The following RIMS1 variants were observed in gnomAD, a reference collection of about 807,000 sequenced individuals.
RIMS1 encodes the protein regulating synaptic membrane exocytosis 1.
RIMS1 carries 83 observed loss-of-function variants against 214.1 expected under a neutral mutation model. The observed-to-expected ratio is 0.39, with a 90% CI of 0.32 to 0.47. RIMS1 has a LOEUF of 0.47. Ranked by LOEUF, RIMS1 falls within the 20% of genes least tolerant of loss-of-function variation. The pLI is 0.99. For missense variants in RIMS1, 2,050 were observed against 2,161.8 expected (o/e 0.95, Z 1.03); for synonymous variants, 793 against 786.8 (o/e 1.01, Z -0.13).
chr6:72,316,280 G>A (rs2095792548), intron 28 of RIMS1, among the ~76,000 whole-genome samples: 1 of 152,136 alleles, frequency 6.6e-6, no homozygotes, highest in Middle Eastern at 3.2e-3. Flanking sequence ...CACAGGAGGG[G>A]AGGTGATACC....
At chr6:72,322,610 A>C (rs1052763398) in intron 28 of RIMS1, among the ~76,000 whole-genome samples, 3 of 152,112 alleles carry the variant, frequency 2.0e-5, no homozygotes, top group Non-Finnish European at 4.4e-5. Flanking sequence ...AATGAACAAC[A>C]ACAGCAAAAA....
intron 1 of RIMS1, among the ~76,000 whole-genome samples, chr6:71,940,948 T>G (rs1164219151): frequency 1.3e-5 from 2 of 152,182 alleles, no homozygotes; most frequent in East Asian, 3.8e-4. Flanking sequence ...GCAAGGTTTT[T>G]TTTTAAGTAA....
intron 11 of RIMS1, among the ~76,000 whole-genome samples, chr6:72,246,563 A>G (rs2069851032): frequency 6.6e-6 from 1 of 152,194 alleles, no homozygotes; most frequent in African/African-American, 2.4e-5. Flanking sequence ...AGTTAAAGAA[A>G]TAGAAAATAA....
At chr6:72,397,040 A>G (rs1271124966) in intron 31 of RIMS1, among the ~76,000 whole-genome samples, 1 of 151,914 alleles carries the variant, frequency 6.6e-6, no homozygotes, top group Non-Finnish European at 1.5e-5. Context: ...AATAAAGCTT[A>G]AAATTTGGAA....
At chr6:72,137,270 AG>A (rs2041439435) in intron 4 of RIMS1, among the ~76,000 whole-genome samples, 1 of 152,114 alleles carries the variant, frequency 6.6e-6, no homozygotes, top group Non-Finnish European at 1.5e-5. Flanking sequence ...TCCAGAAAAA[AG>A]TTATTTTCAA....
intron 4 of RIMS1, among the ~76,000 whole-genome samples, chr6:72,168,024 C>T (rs1283969047): frequency 2.6e-5 from 4 of 151,732 alleles, no homozygotes; most frequent in Admixed American, 1.3e-4. Flanking sequence ...TAATTTATTG[C>T]AGGAGCAATA....
chr6:71,912,881 T>A (rs1777334110), intron 1 of RIMS1, among the ~76,000 whole-genome samples: 1 of 152,140 alleles, frequency 6.6e-6, no homozygotes. Flanking sequence ...CAGTATTATT[T>A]TGCAAACAAA....
At chr6:72,038,703 T>A (rs1014759117) in intron 2 of RIMS1, among the ~76,000 whole-genome samples, 4 of 152,120 alleles carry the variant, frequency 2.6e-5, no homozygotes, top group Non-Finnish European at 5.9e-5. Flanking sequence ...CCCAACTGCA[T>A]ATTTTGTTCC....
chr6:72,261,833 C>T (rs2078163590), intron 19 of RIMS1: 1 of 984,772 alleles, frequency 1.0e-6, no homozygotes, highest in African/African-American at 1.8e-5. Flanking sequence ...GCTTGGAGTG[C>T]CACAGGAAAA....
chr6:72,028,237 A>G (rs1817089447), intron 2 of RIMS1, among the ~76,000 whole-genome samples: 1 of 152,210 alleles, frequency 6.6e-6, no homozygotes, highest in South Asian at 2.1e-4. Context: ...CACTTTTGTC[A>G]TAATATTTCT....
rs181795001 is a variant in RIMS1 at position 72,341,056 on chromosome 6, G to C, written c.4366+7221G>C. On this transcript the variant is annotated intron_variant, in intron 29 of 33. Transcript: ENST00000521978. ...TTCTCTTTGAAGCAATTGTGAATGG[G>C]AGTTCACTCATGATTTGGCTCTCTG... Among the ~76,000 whole-genome samples, 4 of 152,100 alleles carry C rather than the reference G, an allele frequency of 2.6e-5. No homozygotes were observed. In the East Asian group the frequency reaches 5.8e-4, roughly 22 times the overall value.
intron 2 of RIMS1, among the ~76,000 whole-genome samples, chr6:72,052,904 G>GT (rs1309013106): frequency 3.3e-5 from 5 of 152,152 alleles, no homozygotes; most frequent in Non-Finnish European, 7.3e-5. Flanking sequence ...TCACAAGCTG[G>GT]TGGGGAATTT....
At chr6:72,153,815 C>G (rs963023423) in intron 4 of RIMS1, among the ~76,000 whole-genome samples, 1 of 152,134 alleles carries the variant, frequency 6.6e-6, no homozygotes, top group African/African-American at 2.4e-5. Context: ...GTATAACAAA[C>G]AGCTGCATTC....
chr6:72,241,807 T>G (rs2067042528), intron 9 of RIMS1, among the ~76,000 whole-genome samples: 1 of 152,188 alleles, frequency 6.6e-6, no homozygotes, highest in Non-Finnish European at 1.5e-5. Context: ...GTGCATCTGG[T>G]GAAGACACTG....
intron 1 of RIMS1, among the ~76,000 whole-genome samples, chr6:71,904,749 T>A (rs1774748977): frequency 6.6e-6 from 1 of 152,190 alleles, no homozygotes; most frequent in Non-Finnish European, 1.5e-5. Flanking sequence ...AAATGGAATA[T>A]ATAAGTCAAC....
intron 4 of RIMS1, among the ~76,000 whole-genome samples, chr6:72,109,945 T>G (rs2035680145): frequency 6.6e-6 from 1 of 152,140 alleles, no homozygotes; most frequent in African/African-American, 2.4e-5. Context: ...CCAGCACCAT[T>G]TATTAAATAG....
intron 29 of RIMS1, chr6:72,366,679 T>C (rs1158794): frequency 9.3e-5 from 91 of 983,576 alleles, no homozygotes; most frequent in Non-Finnish European, 1.1e-4. Flanking sequence ...AAGGAGAGAG[T>C]GTCGGAGGGT....
At chr6:72,124,083 T>G (rs2038998714) in intron 4 of RIMS1, among the ~76,000 whole-genome samples, 1 of 151,898 alleles carries the variant, frequency 6.6e-6, no homozygotes, top group African/African-American at 2.4e-5. Context: ...GTGTTTACAA[T>G]TTGGCATGTT....
rs766560632 is a variant in RIMS1, at chr6:71,929,899, AC to A, written c.165-39082del. Among the ~76,000 whole-genome samples the A allele has an allele frequency of 9.2e-5, 14 of 152,050 alleles. No individual in the cohort carries two copies. The East Asian group carries it at 9.7e-4, about 10-fold the overall frequency. On this transcript the variant is annotated intron_variant, in intron 1 of 33. Coordinates refer to ENST00000521978, the MANE Select transcript of RIMS1 (RefSeq NM_014989.7). ...TATTCCAATTGCTGAGAAAAAAAAAACCAGAATATTTCAGTCTAGTTTTGAG... is the reference window on the plus strand; with the variant it reads ...TATTCCAATTGCTGAGAAAAAAAAAACAGAATATTTCAGTCTAGTTTTGAG...
Sources: allele counts gnomAD v4.1 joint callset (sites outside exome capture counted in the v4.1 genomes callset), GRCh38; gene constraint gnomAD v4.1.1; transcripts MANE v1.5; gene names NCBI Gene and HGNC (gene_info 2026-07-23, HGNC 2026-07-21).